CADM2: variants seen among roughly 807,000 people sequenced by gnomAD.
CADM2 encodes immunoglobulin superfamily member 4D.
CADM2 carries 12 observed loss-of-function variants against 49.8 expected under a neutral mutation model. The ratio of observed to expected loss-of-function variants is 0.24; its 90% CI spans 0.15 to 0.39. The LOEUF (loss-of-function observed/expected upper bound fraction) is 0.39. Among genes scored for constraint, CADM2 ranks in the 10% least tolerant of loss-of-function variants. The probability of loss-of-function intolerance (pLI) is 1.00; values close to 1 mark genes in which losing one functional copy is unlikely to be tolerated. For missense variants in CADM2, 378 were observed against 492.3 expected, an observed-to-expected ratio of 0.77 and a Z score of 2.20; for synonymous variants, 214 against 175.4, an observed-to-expected ratio of 1.22 and a Z score of -1.74.
intron 1 of CADM2, among the ~76,000 whole-genome samples, chr3:85,354,354 G>T (rs375884351): frequency 1.6e-5 from 2 of 122,662 alleles, no homozygotes; most frequent in Admixed American, 9.2e-5. Context: ...GGACTGTTGT[G>T]GGGTGGGGGG....
chr3:85,360,709 T>A (rs2032294134), intron 1 of CADM2, among the ~76,000 whole-genome samples: 1 of 152,212 alleles, frequency 6.6e-6, no homozygotes, highest in South Asian at 2.1e-4. Context: ...CGTATTTGTT[T>A]CCAATTCTGA....
intron 1 of CADM2, among the ~76,000 whole-genome samples, chr3:85,537,936 G>A (rs1409257575): frequency 6.6e-6 from 1 of 152,144 alleles, no homozygotes; most frequent in East Asian, 1.9e-4. Context: ...GGTCATGCCA[G>A]AAATCACAGA....
At chr3:85,883,846 A>C (rs956253681) in intron 4 of CADM2, among the ~76,000 whole-genome samples, 7 of 152,182 alleles carry the variant, frequency 4.6e-5, no homozygotes, top group Non-Finnish European at 1.0e-4. Flanking sequence ...TTATTTGATC[A>C]TGTAAGTCAC....
intron 1 of CADM2, among the ~76,000 whole-genome samples, chr3:85,564,703 G>C (rs1457747562): frequency 2.6e-5 from 4 of 151,942 alleles, no homozygotes; most frequent in Admixed American, 2.6e-4. Flanking sequence ...ATATGTTAAT[G>C]ATTTTTTTAA....
At position 84,959,664 on chromosome 3, in the gene CADM2, A is replaced by G; in HGVS notation, c.57A>G (p.Leu19=). The G allele has an allele frequency of 6.5e-7, 1 of 1,536,938 alleles. No individual in the cohort carries two copies. The highest frequency in any genetic ancestry group is 8.7e-7 in the Non-Finnish European group (1 of 1,146,786). ...LRFYSVCGLL[L]QAAASKNKVK... is the part of the protein sequence containing the mutation. ...TCTACAGTGTCTGCGGGCTCCTGCT[A>G]CAAGGTAATCCCCGCCCCGGCGCAG... The change falls in exon 1 of 10, where the codon CTA becomes CTG. Residue 19 remains leucine (L), a synonymous_variant. Coordinates refer to ENST00000383699, the MANE Select transcript of CADM2 (RefSeq NM_001167675.2).
chr3:85,280,768 T>C (rs1169982423), intron 1 of CADM2, among the ~76,000 whole-genome samples: 1 of 151,144 alleles, frequency 6.6e-6, no homozygotes, highest in African/African-American at 2.4e-5. Flanking sequence ...GAAATAAAGA[T>C]ATTTATTGGT....
intron 1 of CADM2, among the ~76,000 whole-genome samples, chr3:85,290,100 G>A (rs1034437016): frequency 2.6e-5 from 4 of 152,122 alleles, no homozygotes; most frequent in Non-Finnish European, 4.4e-5. Context: ...TGGGCGATCC[G>A]AAGCAGGGTG....
chr3:85,799,710 G>A (rs1192058461), intron 2 of CADM2, among the ~76,000 whole-genome samples: 2 of 152,126 alleles, frequency 1.3e-5, no homozygotes, highest in African/African-American at 2.4e-5. Flanking sequence ...TATTACCAGC[G>A]GAGGCTGCAG....
intron 1 of CADM2, among the ~76,000 whole-genome samples, chr3:85,324,497 C>G (rs1335899719): frequency 9.2e-5 from 14 of 152,106 alleles, no homozygotes; most frequent in Admixed American, 9.2e-4. Flanking sequence ...GTCTTTTGAT[C>G]CACAACTCAC....
intron 3 of CADM2, among the ~76,000 whole-genome samples, chr3:85,853,687 AT>A (rs1046250192): frequency 2.0e-4 from 30 of 152,034 alleles, no homozygotes; most frequent in Non-Finnish European, 3.5e-4. Context: ...AAAAAAAAAA[AT>A]ACTTGTGTAA....
At chr3:85,438,454 T>G (rs933643471) in intron 1 of CADM2, among the ~76,000 whole-genome samples, 8 of 152,116 alleles carry the variant, frequency 5.3e-5, no homozygotes, top group Admixed American at 3.9e-4. Context: ...ACCAAAGTTA[T>G]GGTTAGTGAT....
At chr3:85,857,910 A>G (rs2075377220) in intron 3 of CADM2, among the ~76,000 whole-genome samples, 1 of 152,192 alleles carries the variant, frequency 6.6e-6, no homozygotes, top group Non-Finnish European at 1.5e-5. Context: ...GCAAAACAAA[A>G]CAAAAATCTA....
intron 8 of CADM2, among the ~76,000 whole-genome samples, chr3:86,011,261 A>G (rs1471611713): frequency 6.6e-6 from 1 of 152,148 alleles, no homozygotes; most frequent in Non-Finnish European, 1.5e-5. Flanking sequence ...ATAATATACA[A>G]TCATATACTA....
intron 1 of CADM2, among the ~76,000 whole-genome samples, chr3:85,693,110 G>A (rs372011520): frequency 2.0e-5 from 3 of 152,034 alleles, no homozygotes; most frequent in East Asian, 1.9e-4. Context: ...TTAGCCGGGC[G>A]TGGTGGCATG....
At chr3:85,701,880 G>GATAT (rs1307135927) in intron 1 of CADM2, among the ~76,000 whole-genome samples, 1 of 150,692 alleles carries the variant, frequency 6.6e-6, no homozygotes, top group Non-Finnish European at 1.5e-5. Flanking sequence ...TAGATAGATA[G>GATAT]ATAGATAGAT....
chr3:85,968,346 A>ATT (rs1351279506), intron 8 of CADM2, among the ~76,000 whole-genome samples: 1 of 151,636 alleles, frequency 6.6e-6, no homozygotes, highest in African/African-American at 2.4e-5. Flanking sequence ...ATTACAAAAC[A>ATT]TTTTAAAAGG....
intron 1 of CADM2, among the ~76,000 whole-genome samples, chr3:85,237,629 A>G (rs1376746250): frequency 6.6e-6 from 1 of 151,626 alleles, no homozygotes; most frequent in Non-Finnish European, 1.5e-5. Flanking sequence ...GATAGTACAA[A>G]AATTCATAGA....
chr3:86,057,813 A>C (rs1738169941), intron 8 of CADM2, among the ~76,000 whole-genome samples: 1 of 152,162 alleles, frequency 6.6e-6, no homozygotes. Flanking sequence ...ATGGATGGGC[A>C]TTGGATTCTC....
Position 85,130,694 on chromosome 3 carries a change from C to G in CADM2, c.61+171026C>G, listed in dbSNP as rs986873811. Among the ~76,000 whole-genome samples the G allele has an allele frequency of 2.6e-5, 4 of 152,140 alleles. No homozygotes were observed. In the East Asian group the frequency reaches 7.7e-4, roughly 29 times the overall value. On this transcript the variant is annotated intron_variant, in intron 1 of 9. Transcript: ENST00000383699. ...GGGTGTTTTAAATTAATTATAGGCTCTTAAAATCCATTGATTTTGTAAGTA... is the reference window on the plus strand; with the variant it reads ...GGGTGTTTTAAATTAATTATAGGCTGTTAAAATCCATTGATTTTGTAAGTA...
Sources: gnomAD v4.1 joint callset for allele counts (sites outside exome capture counted in the v4.1 genomes callset) on GRCh38, gnomAD v4.1.1 for gene constraint, MANE v1.5 for transcripts, NCBI Gene and HGNC (gene_info 2026-07-23, HGNC 2026-07-21) for gene names.